SLC25A21: variants seen among roughly 807,000 people sequenced by gnomAD.
SLC25A21 encodes solute carrier family 25 member 21, also known as mitochondrial 2-oxodicarboxylate carrier.
SLC25A21 carries 47 observed loss-of-function variants against 43.8 expected under a neutral mutation model. That is an observed-to-expected ratio of 1.07 (90% CI 0.85 to 1.37). SLC25A21 has a LOEUF of 1.37. SLC25A21 is among the 40% of genes most tolerant of loss of function. SLC25A21 has a pLI of 0.00. For synonymous variants in SLC25A21, 131 were observed against 121.3 expected (o/e 1.08, Z -0.52); for missense variants, 352 against 350.2 (o/e 1.00, Z -0.04).
chr14:36,776,109 A>G (rs569387585), intron 3 of SLC25A21, among the ~76,000 whole-genome samples: 2 of 151,970 alleles, frequency 1.3e-5, no homozygotes, highest in Non-Finnish European at 2.9e-5. Flanking sequence ...TTCTCTTGGA[A>G]GAGGGGAATT....
intron 7 of SLC25A21, among the ~76,000 whole-genome samples, chr14:36,693,671 T>C (rs1343406531): frequency 6.6e-6 from 1 of 152,190 alleles, no homozygotes; most frequent in Non-Finnish European, 1.5e-5. Flanking sequence ...TCTTGTTTTG[T>C]CGCCCAGCCT....
chr14:36,757,271 A>T (rs1246156985), intron 3 of SLC25A21, among the ~76,000 whole-genome samples: 1 of 152,124 alleles, frequency 6.6e-6, no homozygotes, highest in Non-Finnish European at 1.5e-5. Context: ...TAAAAATAAT[A>T]ATAATTACTG....
chr14:36,964,643 T>C (rs1959571898), intron 1 of SLC25A21, among the ~76,000 whole-genome samples: 1 of 152,204 alleles, frequency 6.6e-6, no homozygotes, highest in Admixed American at 6.5e-5. Flanking sequence ...ATATTATTGG[T>C]ACCTTGTCAA....
At chr14:36,692,823 G>A (rs1045114120) in intron 7 of SLC25A21, among the ~76,000 whole-genome samples, 3 of 152,170 alleles carry the variant, frequency 2.0e-5, no homozygotes, top group African/African-American at 7.2e-5. Flanking sequence ...TCTAATCTTG[G>A]AATCTTCCCA....
intron 1 of SLC25A21, among the ~76,000 whole-genome samples, chr14:36,994,159 C>A (rs1960323122): frequency 6.6e-6 from 1 of 152,114 alleles, no homozygotes; most frequent in African/African-American, 2.4e-5. Context: ...AACTGGCCAG[C>A]CATTAGGGAT....
chr14:37,135,382 G>A (rs746709889), intron 1 of SLC25A21, among the ~76,000 whole-genome samples: 1 of 151,910 alleles, frequency 6.6e-6, no homozygotes, highest in African/African-American at 2.4e-5. Context: ...CTGGGGAACA[G>A]AGCAAGATCC....
intron 9 of SLC25A21, among the ~76,000 whole-genome samples, chr14:36,683,484 G>C (rs192445777): frequency 2.2e-4 from 34 of 152,314 alleles, no homozygotes; most frequent in East Asian, 1.9e-3. Context: ...TGACTGGGCT[G>C]GTCCCTCACT....
At chr14:36,741,237 T>C (rs191328323) in intron 3 of SLC25A21, among the ~76,000 whole-genome samples, 1 of 152,300 alleles carries the variant, frequency 6.6e-6, no homozygotes, top group African/African-American at 2.4e-5. Flanking sequence ...GGAAATTTCC[T>C]AAGTTACTAG....
chr14:36,836,675 G>A (rs1203699331), intron 2 of SLC25A21, among the ~76,000 whole-genome samples: 1 of 152,182 alleles, frequency 6.6e-6, no homozygotes, highest in East Asian at 1.9e-4. Flanking sequence ...AGGCATCAGG[G>A]TACCTAGGTA....
chr14:36,874,830 G>A, intron 2 of SLC25A21, 126 bp downstream of exon 2: 1 of 635,544 alleles, frequency 1.6e-6, no homozygotes, highest in Non-Finnish European at 2.6e-6. Context: ...TTCTTTAGAA[G>A]CAAATATAAC....
At chr14:37,088,626 C>T (rs1962527876) in intron 1 of SLC25A21, among the ~76,000 whole-genome samples, 1 of 152,152 alleles carries the variant, frequency 6.6e-6, no homozygotes, top group Non-Finnish European at 1.5e-5. Flanking sequence ...AAAATTCAAG[C>T]AAAGTCAACT....
intron 2 of SLC25A21, among the ~76,000 whole-genome samples, chr14:36,847,315 C>T (rs941872062): frequency 1.3e-5 from 2 of 152,072 alleles, no homozygotes; most frequent in Admixed American, 6.5e-5. Context: ...AATACCCAGC[C>T]ATCAGAGATG....
At chr14:36,929,275 G>A (rs1892220611) in intron 1 of SLC25A21, among the ~76,000 whole-genome samples, 1 of 152,122 alleles carries the variant, frequency 6.6e-6, no homozygotes, top group African/African-American at 2.4e-5. Flanking sequence ...ATGAATACTG[G>A]AGGGTCCCAC....
intron 1 of SLC25A21, among the ~76,000 whole-genome samples, chr14:37,156,269 C>T (rs948351580): frequency 2.6e-5 from 4 of 150,964 alleles, no homozygotes; most frequent in South Asian, 2.1e-4. Context: ...TTCACCAAAC[C>T]GCAATGACAA....
rs1471150341 is a variant in SLC25A21, at chr14:36,711,302, T to C, written c.603+16A>G. 2 of 1,609,502 alleles carry C rather than the reference T, an allele frequency of 1.2e-6. No individual in the cohort carries two copies. The highest frequency in any genetic ancestry group is 2.7e-5 in the African/African-American group (2 of 74,586). Reference sequence around the variant, plus strand: ...TAGGATTTTTCCTCCAGGATTTTAATTTATTAAATAGTTACCTTATTGACA... The same window carrying C: ...TAGGATTTTTCCTCCAGGATTTTAACTTATTAAATAGTTACCTTATTGACA... On this transcript the variant is annotated intron_variant, in intron 7 of 9. Transcript: ENST00000331299.
At chr14:37,088,959 T>C (rs1258863450) in intron 1 of SLC25A21, among the ~76,000 whole-genome samples, 2 of 152,362 alleles carry the variant, frequency 1.3e-5, no homozygotes, top group South Asian at 2.1e-4. Flanking sequence ...ACAATTTGTA[T>C]AGAAGTCTAA....
At position 36,795,070 on chromosome 14, in the gene SLC25A21, C is replaced by G. The variant is rs148026823; in HGVS notation, c.203+18848G>C. ...GGAAATGAGGGAATTCCCAGACCACCCTAATAAGAGTATAGACCTTATAAT... is the reference window on the plus strand; with the variant it reads ...GGAAATGAGGGAATTCCCAGACCACGCTAATAAGAGTATAGACCTTATAAT... On this transcript the variant is annotated intron_variant, in intron 3 of 9. Coordinates refer to ENST00000331299, the MANE Select transcript of SLC25A21 (RefSeq NM_030631.4). 2.4e-3 allele frequency among the ~76,000 whole-genome samples: 372 copies of G among 152,040 alleles called. 1 individual carries two copies. Among genetic ancestry groups the G allele is most frequent in the Non-Finnish European group, 3.4e-3 (231 of 67,998 alleles).
intron 3 of SLC25A21, chr14:36,809,067 C>T (rs755337777): frequency 3.9e-5 from 6 of 152,088 alleles, no homozygotes; most frequent in African/African-American, 1.4e-4. Flanking sequence ...GGAAGTGAGG[C>T]GTGATGCATG....
rs1960634011 is a variant in SLC25A21 at position 37,007,600 on chromosome 14, A to AAT, written c.71-132597_71-132596insAT. ...CCTGACAGACAAGACTCCCTCTCAA[A>AAT]AATAATAATAATAATAATAATAAAG... On this transcript the variant is annotated intron_variant, in intron 1 of 9. Transcript: ENST00000331299. Among the ~76,000 whole-genome samples the AAT allele has an allele frequency of 2.0e-3, 289 of 148,118 alleles. 1 individual carries two copies. The highest frequency in any genetic ancestry group is 6.8e-3 in the African/African-American group (269 of 39,770).
Sources: gnomAD v4.1 joint callset for allele counts (sites outside exome capture counted in the v4.1 genomes callset) on GRCh38, gnomAD v4.1.1 for gene constraint, MANE v1.5 for transcripts, NCBI Gene and HGNC (gene_info 2026-07-23, HGNC 2026-07-21) for gene names.